The following FOXP2 variants were observed in gnomAD, a reference collection of about 807,000 sequenced individuals.
FOXP2 encodes forkhead box P2.
Under a neutral mutation model 115.8 loss-of-function variants are expected in FOXP2, and 12 were observed. The observed-to-expected ratio is 0.10, with a 90% CI of 0.07 to 0.17. FOXP2 has a LOEUF of 0.17. Ranked by LOEUF, FOXP2 falls within the 10% of genes least tolerant of loss-of-function variation. FOXP2 has a pLI of 1.00. For synonymous variants in FOXP2, 328 were observed against 297.7 expected, an observed-to-expected ratio of 1.10 and a Z score of -1.05; for missense variants, 629 against 843.5, an observed-to-expected ratio of 0.75 and a Z score of 3.15.
At chr7:114,469,118 C>T (rs1035622178) in intron 2 of FOXP2, among the ~76,000 whole-genome samples, 25 of 152,122 alleles carry the variant, frequency 1.6e-4, no homozygotes, top group Non-Finnish European at 2.9e-5. Context: ...TGACCACAGA[C>T]TCAAATGCCC....
chr7:114,526,172 TAAAAAA>T (rs3028251), intron 2 of FOXP2, among the ~76,000 whole-genome samples: 6 of 79,742 alleles, frequency 7.5e-5, no homozygotes, highest in African/African-American at 3.2e-4. Context: ...GTTTCTTTAT[TAAAAAA>T]AAAAAAAAAA....
At chr7:114,129,466 A>G (rs1283540688) in intron 1 of FOXP2, among the ~76,000 whole-genome samples, 1 of 152,164 alleles carries the variant, frequency 6.6e-6, no homozygotes, top group Non-Finnish European at 1.5e-5. Flanking sequence ...GGTCAATGCC[A>G]TATAGCAGGT....
chr7:114,581,880 G>A (rs890066813), intron 3 of FOXP2, among the ~76,000 whole-genome samples: 2 of 152,148 alleles, frequency 1.3e-5, no homozygotes, highest in African/African-American at 2.4e-5. Flanking sequence ...GATAAGACAC[G>A]AAGAAAGTCA....
intron 1 of FOXP2, among the ~76,000 whole-genome samples, chr7:114,194,956 G>T (rs1040563334): frequency 1.3e-5 from 2 of 151,926 alleles, no homozygotes; most frequent in African/African-American, 2.4e-5. Context: ...TCATATATTT[G>T]CCTTAATGTA....
chr7:114,292,563 A>G (rs2129176823), intron 2 of FOXP2, among the ~76,000 whole-genome samples: 1 of 152,238 alleles, frequency 6.6e-6, no homozygotes. Context: ...ATCTTTGTCA[A>G]TGTACATCTT....
chr7:114,233,135 G>A (rs1229683150), intron 1 of FOXP2, among the ~76,000 whole-genome samples: 1 of 152,096 alleles, frequency 6.6e-6, no homozygotes, highest in Non-Finnish European at 1.5e-5. Flanking sequence ...TTAAAAATTT[G>A]TTAAAAGGGT....
chr7:114,553,965 T>C (rs1197858114), intron 3 of FOXP2, among the ~76,000 whole-genome samples: 1 of 152,124 alleles, frequency 6.6e-6, no homozygotes, highest in East Asian at 1.9e-4. Flanking sequence ...GGTATATTTT[T>C]ATTGTGCTTT....
intron 16 of FOXP2, chr7:114,664,649 C>A: frequency 1.7e-6 from 1 of 581,632 alleles, no homozygotes; most frequent in Non-Finnish European, 3.0e-6. Flanking sequence ...ATTATTGTTC[C>A]AGCAGTCCTC....
At chr7:114,323,293 G>A (rs927236313) in intron 2 of FOXP2, among the ~76,000 whole-genome samples, 23 of 151,994 alleles carry the variant, frequency 1.5e-4, no homozygotes, top group Non-Finnish European at 3.2e-4. Flanking sequence ...ATCTGCCCCA[G>A]ACTAAAATCA....
chr7:114,566,879 A>G (rs1029950183), intron 3 of FOXP2, among the ~76,000 whole-genome samples: 3 of 151,914 alleles, frequency 2.0e-5, no homozygotes, highest in African/African-American at 7.2e-5. Flanking sequence ...TAATATTAAT[A>G]CCATGTATAT....
intron 16 of FOXP2, chr7:114,668,962 A>G (rs957451604): frequency 1.7e-4 from 26 of 152,128 alleles, no homozygotes; most frequent in African/African-American, 6.3e-4. Context: ...GATTTTAGGA[A>G]GAACAGATGA....
chr7:114,315,631 C>T, intron 2 of FOXP2, among the ~76,000 whole-genome samples: 1 of 151,972 alleles, frequency 6.6e-6, no homozygotes. Context: ...CACACACACA[C>T]ACACAAACAA....
intron 1 of FOXP2, among the ~76,000 whole-genome samples, chr7:114,106,429 T>C (rs1022742410): frequency 6.6e-6 from 1 of 151,682 alleles, no homozygotes; most frequent in African/African-American, 2.4e-5. Flanking sequence ...AAAACTAAAG[T>C]GCCAGGGTTT....
At position 114,155,645 on chromosome 7, in the gene FOXP2, G is replaced by C. The variant is rs958669387; in HGVS notation, c.-246-7299G>C. On this transcript the variant is annotated intron_variant, in intron 1 of 19. Coordinates refer to the FOXP2 transcript ENST00000635638. ...GGAAAGTGTCTGTGTCATGTGGCAC[G>C]AAAGTATTTTAGCAGCAAATCTGTA... Among the ~76,000 whole-genome samples, 6 of 152,056 alleles carry C rather than the reference G, an allele frequency of 3.9e-5. No homozygotes were observed. The East Asian group carries it at 1.2e-3, about 29-fold the overall frequency.
At chr7:114,372,712 T>A (rs911428799) in intron 2 of FOXP2, among the ~76,000 whole-genome samples, 1 of 149,558 alleles carries the variant, frequency 6.7e-6, no homozygotes, top group Admixed American at 6.6e-5. Flanking sequence ...ACTGTTAGGG[T>A]TTTTTTTTGG....
chr7:114,690,033 A>G lies in FOXP2; in HGVS notation c.*107A>G, dbSNP rs763037482. On this transcript the variant is annotated 3_prime_UTR_variant, in exon 17 of 17. Coordinates refer to ENST00000350908, the MANE Select transcript of FOXP2 (RefSeq NM_014491.4). ...TTTTTACTGTGACTATTTATTAAGC[A>G]TGGATAAAGGAGACAGCCCTAAAGG... 27 of 1,398,664 alleles carry G rather than the reference A, an allele frequency of 1.9e-5. No individual in the cohort carries two copies. The East Asian group carries it at 6.0e-4, about 31-fold the overall frequency. 86.6% of individuals were successfully genotyped at this position (1,398,664 alleles called of 1,614,324 possible). A position where few individuals can be genotyped will look rare whatever the true frequency, so the allele number is the denominator to read the frequency against.
intron 2 of FOXP2, among the ~76,000 whole-genome samples, chr7:114,528,325 A>G (rs1798972104): frequency 6.6e-6 from 1 of 152,060 alleles, no homozygotes; most frequent in Non-Finnish European, 1.5e-5. Flanking sequence ...ACAAAAAATA[A>G]TTTCTTTTAC....
At chr7:114,577,863 G>A (rs1299340491) in intron 3 of FOXP2, among the ~76,000 whole-genome samples, 1 of 151,882 alleles carries the variant, frequency 6.6e-6, no homozygotes, top group Non-Finnish European at 1.5e-5. Context: ...CATCATAAGA[G>A]ATTATAATAA....
chr7:114,521,850 A>G (rs1264277671), intron 2 of FOXP2, among the ~76,000 whole-genome samples: 2 of 152,156 alleles, frequency 1.3e-5, no homozygotes, highest in African/African-American at 4.8e-5. Flanking sequence ...TAAAGGAGCT[A>G]CTGTGTGCAA....
Sources: allele counts gnomAD v4.1 joint callset (sites outside exome capture counted in the v4.1 genomes callset), GRCh38; gene constraint gnomAD v4.1.1; transcripts MANE v1.5; gene names NCBI Gene and HGNC (gene_info 2026-07-23, HGNC 2026-07-21).